The following ARAP2 variants were observed in gnomAD, a reference collection of about 807,000 sequenced individuals.
The protein encoded by ARAP2 is ArfGAP with RhoGAP domain, ankyrin repeat and PH domain 2, also known as arf-GAP with Rho-GAP domain, ANK repeat and PH domain-containing protein 2.
ARAP2 carries 148 observed loss-of-function variants against 194.5 expected under a neutral mutation model. The observed-to-expected ratio is 0.76, with a 90% confidence interval of 0.67 to 0.87. The LOEUF (loss-of-function observed/expected upper bound fraction) is 0.87. Among genes scored for constraint, ARAP2 ranks in the 40% least tolerant of loss-of-function variants. The probability of loss-of-function intolerance (pLI) is 0.00; values close to 1 mark genes in which losing one functional copy is unlikely to be tolerated. For synonymous variants in ARAP2, 695 were observed against 683.5 expected (o/e 1.02, Z -0.26); for missense variants, 2,128 against 1,989.7 (o/e 1.07, Z -1.32).
intron 3 of ARAP2, among the ~76,000 whole-genome samples, 163 bp from the exon 4 acceptor site, chr4:36,213,482 C>A (rs1030264684): frequency 6.6e-6 from 1 of 152,110 alleles, no homozygotes; most frequent in Non-Finnish European, 1.5e-5. Context: ...AATCAATTCT[C>A]CCCATCGTCT....
Position 36,187,705 on chromosome 4 carries a change from A to G in ARAP2, c.1558-134T>C, listed in dbSNP as rs893667974. The G allele has an allele frequency of 2.6e-5, 17 of 642,436 alleles. No homozygotes were observed. In the Admixed American group the frequency reaches 6.2e-4, roughly 23 times the overall value. 39.8% of individuals were successfully genotyped at this position (642,436 alleles called of 1,614,324 possible). ...CAAATTTTTTAAATGCCATACAAGT[A>G]ATTTGTCCACTCATATTCTCATGTA... On this transcript the variant is annotated intron_variant, in intron 7 of 32. Transcript: ENST00000303965.
At chr4:36,171,526 G>T (rs916095645) in intron 9 of ARAP2, among the ~76,000 whole-genome samples, 3 of 151,966 alleles carry the variant, frequency 2.0e-5, no homozygotes, top group Non-Finnish European at 2.9e-5. Flanking sequence ...GTTGTGGGGT[G>T]GGGGGAGTGG....
intron 28 of ARAP2, among the ~76,000 whole-genome samples, chr4:36,086,648 T>C (rs951392222): frequency 6.6e-6 from 1 of 152,102 alleles, no homozygotes; most frequent in Non-Finnish European, 1.5e-5. Flanking sequence ...ACTAGACTAT[T>C]ATGAAGTCTG....
At chr4:36,187,057 G>C (rs1302048469) in intron 8 of ARAP2, among the ~76,000 whole-genome samples, 3 of 152,196 alleles carry the variant, frequency 2.0e-5, no homozygotes, top group African/African-American at 7.2e-5. Flanking sequence ...GAACCACTGA[G>C]CCTGCCATAA....
At chr4:36,225,176 A>G (rs1269367509) in intron 2 of ARAP2, among the ~76,000 whole-genome samples, 1 of 152,164 alleles carries the variant, frequency 6.6e-6, no homozygotes, top group Non-Finnish European at 1.5e-5. Context: ...TTTGCACACC[A>G]TCCCTCTCCC....
intron 28 of ARAP2, among the ~76,000 whole-genome samples, chr4:36,083,755 C>T (rs1272531196): frequency 6.6e-6 from 1 of 152,086 alleles, no homozygotes; most frequent in Non-Finnish European, 1.5e-5. Context: ...AGATGTGCAT[C>T]ATGTCGTGGT....
chr4:36,195,784 T>C (rs976342453), intron 6 of ARAP2, among the ~76,000 whole-genome samples: 1 of 152,220 alleles, frequency 6.6e-6, no homozygotes, highest in Non-Finnish European at 1.5e-5. Flanking sequence ...CTCAATACCC[T>C]CTACTTTTCC....
intron 5 of ARAP2, among the ~76,000 whole-genome samples, chr4:36,027,315 T>C (rs1383728284): frequency 2.6e-5 from 4 of 152,004 alleles, no homozygotes; most frequent in African/African-American, 9.7e-5. Flanking sequence ...GGTGAGATTC[T>C]AACCTAAATC....
At chr4:36,096,138 T>C (rs1421018316) in intron 27 of ARAP2, among the ~76,000 whole-genome samples, 2 of 151,726 alleles carry the variant, frequency 1.3e-5, no homozygotes, top group African/African-American at 2.4e-5. Context: ...ATGGGGCAGG[T>C]GGATCATCTG....
intron 1 of ARAP2, among the ~76,000 whole-genome samples, chr4:36,232,318 A>G (rs1325905853): frequency 2.6e-5 from 4 of 152,234 alleles, no homozygotes; most frequent in Non-Finnish European, 5.9e-5. Context: ...TCCACGTATC[A>G]GTCAGTGAAC....
chr4:36,077,349 G>A (rs909811961), intron 31 of ARAP2, among the ~76,000 whole-genome samples: 2 of 151,954 alleles, frequency 1.3e-5, no homozygotes, highest in East Asian at 1.9e-4. Flanking sequence ...ATAAAACTGC[G>A]CATTCTGCAC....
At chr4:36,088,965 C>T (rs1216250884) in intron 28 of ARAP2, among the ~76,000 whole-genome samples, 1 of 152,160 alleles carries the variant, frequency 6.6e-6, no homozygotes. Context: ...AAGTATTTTC[C>T]AGGTCCTGCT....
rs869193087 is a variant in ARAP2, at chr4:36,161,793, CAAAAAAAAAAAAAA to C, written c.2174-257_2174-244del. Among the ~76,000 whole-genome samples the C allele has an allele frequency of 2.6e-3, 254 of 99,440 alleles. 3 individuals are homozygous for C. Among genetic ancestry groups the C allele is most frequent in the African/African-American group, 0.01 (243 of 23,760 alleles). 65.2% of individuals were successfully genotyped at this position (99,440 alleles called of 152,430 possible). On this transcript the variant is annotated intron_variant, in intron 11 of 32. Coordinates refer to ENST00000303965, the MANE Select transcript of ARAP2 (RefSeq NM_015230.4). ...CAATCATCATCAGCATCTGCACTGA[CAAAAAAAAAAAAAA>C]AAAAAAAAAAAAACTACACGGCCTG...
At chr4:36,071,771 A>C (rs1040742713) in intron 32 of ARAP2, among the ~76,000 whole-genome samples, 2 of 149,392 alleles carry the variant, frequency 1.3e-5, no homozygotes, top group African/African-American at 4.9e-5. Context: ...ACATATGTAT[A>C]CATGTGCCAT....
intron 22 of ARAP2, among the ~76,000 whole-genome samples, chr4:36,121,749 T>C (rs1032048365): frequency 2.0e-5 from 3 of 151,720 alleles, no homozygotes; most frequent in Non-Finnish European, 2.9e-5. Flanking sequence ...AGACATATAA[T>C]TGACAGTTCC....
chr4:36,238,964 T>C (rs1308711106), intron 1 of ARAP2, among the ~76,000 whole-genome samples: 1 of 151,974 alleles, frequency 6.6e-6, no homozygotes, highest in Non-Finnish European at 1.5e-5. Context: ...CAAAAACAAA[T>C]GTGCTTGACG....
chr4:36,166,138 T>C (rs956297314), intron 10 of ARAP2, among the ~76,000 whole-genome samples: 1 of 152,150 alleles, frequency 6.6e-6, no homozygotes, highest in Non-Finnish European at 1.5e-5. Context: ...AATGGATGTA[T>C]TTTGACATGC....
chr4:36,077,454 A>C (rs1728504914), intron 31 of ARAP2, among the ~76,000 whole-genome samples: 1 of 151,592 alleles, frequency 6.6e-6, no homozygotes, highest in Non-Finnish European at 1.5e-5. Flanking sequence ...CTGCTCCTAA[A>C]CTTCTCGTGT....
At chr4:36,107,536 T>G in intron 27 of ARAP2, 29 bp downstream of exon 27, 1 of 1,582,018 alleles carries the variant, frequency 6.3e-7, no homozygotes, top group Non-Finnish European at 8.6e-7. Flanking sequence ...TTTTCAATCA[T>G]AGCTGCAATG....
Sources: allele counts gnomAD v4.1 joint callset (sites outside exome capture counted in the v4.1 genomes callset), GRCh38; gene constraint gnomAD v4.1.1; transcripts MANE v1.5; gene names NCBI Gene and HGNC (gene_info 2026-07-23, HGNC 2026-07-21).